The following UTRN variants were observed in gnomAD, a reference collection of about 807,000 sequenced individuals.
UTRN encodes utrophin, also known as dystrophin-related protein 1.
A neutral mutation model predicts 463.9 loss-of-function variants in UTRN; 283 were observed. The observed-to-expected ratio is 0.61, with a 90% CI of 0.55 to 0.67. The LOEUF is 0.67. UTRN is among the 30% of genes least tolerant of loss of function. UTRN has a pLI of 0.00. For missense variants in UTRN, 3,922 were observed against 4,084.3 expected, an observed-to-expected ratio of 0.96 and a Z score of 1.08; for synonymous variants, 1,442 against 1,431.5, an observed-to-expected ratio of 1.01 and a Z score of -0.17.
chr6:144,748,650 G>A, intron 55 of UTRN, 136 bp downstream of exon 55: 1 of 1,201,802 alleles, frequency 8.3e-7, no homozygotes, highest in Non-Finnish European at 1.1e-6. Context: ...CACCCATCAG[G>A]AGTCAGGACA....
intron 51 of UTRN, among the ~76,000 whole-genome samples, chr6:144,635,429 G>A (rs1777017255): frequency 6.6e-6 from 1 of 151,106 alleles, no homozygotes; most frequent in South Asian, 2.1e-4. Context: ...AGAATTAAGG[G>A]CGTGAGCCAC....
chr6:144,449,434 A>T (rs923501419), intron 17 of UTRN, among the ~76,000 whole-genome samples: 1 of 152,116 alleles, frequency 6.6e-6, no homozygotes, highest in African/African-American at 2.4e-5. Context: ...GAATGTAGAC[A>T]CCTGTTCCTG....
chr6:144,480,570 A>G (rs1054914640), intron 26 of UTRN, among the ~76,000 whole-genome samples: 2 of 152,182 alleles, frequency 1.3e-5, no homozygotes, highest in Admixed American at 1.3e-4. Flanking sequence ...CGGGGAGTTC[A>G]TATTAGTTGG....
At chr6:144,824,771 G>GT (rs1169225487) in intron 66 of UTRN, among the ~76,000 whole-genome samples, 1 of 101,042 alleles carries the variant, frequency 9.9e-6, no homozygotes, top group Non-Finnish European at 2.0e-5. Context: ...TGAAGTTGGT[G>GT]GTGGGGGGGG....
chr6:144,408,451 G>T (rs1276868951), intron 3 of UTRN, among the ~76,000 whole-genome samples: 2 of 152,240 alleles, frequency 1.3e-5, no homozygotes, highest in African/African-American at 4.8e-5. Context: ...AATTGCAGAA[G>T]TTCTTTTATC....
chr6:144,455,317 T>C (rs1364460023), intron 19 of UTRN, among the ~76,000 whole-genome samples: 1 of 152,242 alleles, frequency 6.6e-6, no homozygotes, highest in Non-Finnish European at 1.5e-5. Flanking sequence ...TTGTCCTTCC[T>C]GTGGGCATCC....
At chr6:144,799,554 G>C (rs1192140750) in intron 64 of UTRN, 1 of 466,382 alleles carries the variant, frequency 2.1e-6, no homozygotes, top group African/African-American at 2.0e-5. Flanking sequence ...GTATGGGAGA[G>C]GGAATAGCTG....
intron 52 of UTRN, among the ~76,000 whole-genome samples, chr6:144,694,342 A>G (rs1783758096): frequency 2.6e-5 from 4 of 151,770 alleles, no homozygotes; most frequent in Admixed American, 2.6e-4. Context: ...ATTAGCCTGA[A>G]GTTTTTTTGG....
chr6:144,301,142 C>A (rs942111270), intron 2 of UTRN, among the ~76,000 whole-genome samples: 3 of 151,750 alleles, frequency 2.0e-5, no homozygotes, highest in Non-Finnish European at 2.9e-5. Context: ...TTAGAAAATG[C>A]CGTATTAGCA....
At chr6:144,563,747 G>GTAAA (rs1800139145) in intron 50 of UTRN, among the ~76,000 whole-genome samples, 1 of 152,072 alleles carries the variant, frequency 6.6e-6, no homozygotes, top group Admixed American at 6.6e-5. Flanking sequence ...AAAGAGAAGG[G>GTAAA]TAAAAATTAT....
rs59324373 is a variant in UTRN at position 144,836,570 on chromosome 6, C to T, written c.10065+29C>T. ...GGGTGTGTAGAATTCAGCGTCACAC[C>T]TCCCCAGGCCATCTGTCCACTGCCC... On this transcript the variant is annotated intron_variant, in intron 71 of 74. Transcript: ENST00000367545. 0.052 allele frequency: 82,901 copies of T among 1,609,628 alleles called. 2,338 individuals are homozygous for T. The highest frequency in any genetic ancestry group is 0.085 in the South Asian group (7,666 of 90,680).
intron 51 of UTRN, among the ~76,000 whole-genome samples, chr6:144,667,077 A>G (rs1039710416): frequency 6.6e-6 from 1 of 152,044 alleles, no homozygotes; most frequent in East Asian, 1.9e-4. Flanking sequence ...TTCTTTTAGA[A>G]GAAATCCCCC....
At chr6:144,464,593 C>T (rs896033269) in intron 23 of UTRN, among the ~76,000 whole-genome samples, 4 of 151,894 alleles carry the variant, frequency 2.6e-5, no homozygotes, top group South Asian at 2.1e-4. Flanking sequence ...TTCAGCCTCC[C>T]GGGTTCAAGC....
intron 62 of UTRN, among the ~76,000 whole-genome samples, chr6:144,791,428 C>G (rs534351912): frequency 2.0e-5 from 3 of 152,004 alleles, no homozygotes; most frequent in African/African-American, 4.8e-5. Flanking sequence ...ATTTACAGAC[C>G]AGGCACAGTG....
Position 144,595,626 on chromosome 6 carries a change from C to A in UTRN, c.7479+18338C>A, listed in dbSNP as rs1335089535. On this transcript the variant is annotated intron_variant, in intron 51 of 74. Transcript: ENST00000367545. ...CATGTCTTCAGAGCAGGACTAATAG[C>A]CCCTGAGTCTGCAGCATCTAGTCAA... 2.0e-5 allele frequency among the ~76,000 whole-genome samples: 3 copies of A among 152,156 alleles called. 1 individual carries two copies. The highest frequency in any genetic ancestry group is 7.2e-5 in the African/African-American group (3 of 41,428).
chr6:144,348,894 A>G (rs1290712123), intron 2 of UTRN, among the ~76,000 whole-genome samples: 2 of 152,078 alleles, frequency 1.3e-5, no homozygotes. Flanking sequence ...AGGTTGCGCC[A>G]TTGCACTCTA....
At chr6:144,810,464 T>C (rs1023064913) in intron 65 of UTRN, among the ~76,000 whole-genome samples, 7 of 152,120 alleles carry the variant, frequency 4.6e-5, no homozygotes, top group Admixed American at 3.9e-4. Context: ...TAAGGTAATG[T>C]GTAAAAGAAC....
At chr6:144,552,555 C>T (rs763769225) in intron 48 of UTRN, among the ~76,000 whole-genome samples, 3 of 152,114 alleles carry the variant, frequency 2.0e-5, no homozygotes, top group Admixed American at 6.5e-5. Flanking sequence ...TTTTACAAGA[C>T]TTCTCCTAAA....
chr6:144,777,076 T>G (rs4272231), intron 60 of UTRN, among the ~76,000 whole-genome samples: 62,572 of 151,974 alleles, frequency 0.41, 16,955 homozygotes, highest in East Asian at 0.82. Context: ...CATCATGGGA[T>G]GGATGAGTCT....
Sources: allele counts gnomAD v4.1 joint callset (sites outside exome capture counted in the v4.1 genomes callset), GRCh38; gene constraint gnomAD v4.1.1; transcripts MANE v1.5; gene names NCBI Gene and HGNC (gene_info 2026-07-23, HGNC 2026-07-21).